NRXN3: variants seen among roughly 807,000 people sequenced by gnomAD.
The protein encoded by NRXN3 is neurexin III.
In NRXN3, 32 loss-of-function variants were observed where a neutral mutation model predicts 137.6. The observed-to-expected ratio is 0.23, with a 90% CI of 0.18 to 0.31. The LOEUF (loss-of-function observed/expected upper bound fraction) is 0.31, where lower values mean the gene tolerates loss of function less well. Among genes scored for constraint, NRXN3 ranks in the 10% least tolerant of loss-of-function variants. The probability of loss-of-function intolerance (pLI) is 1.00; values close to 1 mark genes in which losing one functional copy is unlikely to be tolerated. For missense variants in NRXN3, 1,574 were observed against 2,062.5 expected (o/e 0.76, Z 4.59); for synonymous variants, 798 against 784.5 (o/e 1.02, Z -0.29).
chr14:79,460,969 T>C (rs566111011), intron 15 of NRXN3, among the ~76,000 whole-genome samples: 9 of 152,324 alleles, frequency 5.9e-5, no homozygotes, highest in Admixed American at 3.9e-4. Flanking sequence ...TTTCAAAAAA[T>C]TCAAAGTAGA....
At position 78,791,284 on chromosome 14, in the gene NRXN3, C is replaced by A. The variant is rs998457750; in HGVS notation, c.2045-12336C>A. ...GTGGGAAAATGGTAGAAAGGAAGAACAGCTGCCTGCTAGGGGTTTTCTCTT... is the reference window on the plus strand; with the variant it reads ...GTGGGAAAATGGTAGAAAGGAAGAAAAGCTGCCTGCTAGGGGTTTTCTCTT... On this transcript the variant is annotated intron_variant, in intron 8 of 20. Coordinates refer to ENST00000335750, the MANE Select transcript of NRXN3 (RefSeq NM_001330195.2). Among the ~76,000 whole-genome samples, 5 of 152,056 alleles carry A rather than the reference C, an allele frequency of 3.3e-5. No homozygotes were observed. In the East Asian group the frequency reaches 9.7e-4, roughly 29 times the overall value.
intron 15 of NRXN3, among the ~76,000 whole-genome samples, chr14:79,067,086 G>T (rs1419477677): frequency 6.6e-6 from 1 of 152,072 alleles, no homozygotes; most frequent in Admixed American, 6.6e-5. Context: ...CCTGCAGTAT[G>T]ATATTGACTG....
intron 19 of NRXN3, among the ~76,000 whole-genome samples, chr14:79,771,123 G>A (rs1005553581): frequency 1.3e-5 from 2 of 152,128 alleles, no homozygotes; most frequent in Non-Finnish European, 2.9e-5. Flanking sequence ...TGAAATTGTG[G>A]CAATAATCAA....
At chr14:78,981,444 C>T (rs2153046340) in intron 14 of NRXN3, among the ~76,000 whole-genome samples, 1 of 152,248 alleles carries the variant, frequency 6.6e-6, no homozygotes, top group East Asian at 1.9e-4. Flanking sequence ...CACTTGCCAC[C>T]TATGGATTTT....
intron 15 of NRXN3, among the ~76,000 whole-genome samples, chr14:79,331,007 T>C (rs2091609702): frequency 6.6e-6 from 1 of 152,200 alleles, no homozygotes; most frequent in Admixed American, 6.5e-5. Context: ...TATGGTGTCC[T>C]GGTCCTTTCC....
rs2076840028 is a variant in NRXN3 at position 78,301,161 on chromosome 14, G to GA, written c.757+3302dup. The stretch of plus-strand genomic sequence containing the variant: ...TTTTATTTAATGTGGAATTGGGGGG[G>GA]ATATTTATTTATTTCTCTTTTTTTC... On this transcript the variant is annotated intron_variant, in intron 4 of 20. Transcript: ENST00000335750. Among the ~76,000 whole-genome samples the GA allele has an allele frequency of 2.6e-5, 4 of 151,092 alleles. No individual in the cohort carries two copies. The South Asian group carries it at 8.4e-4, about 32-fold the overall frequency.
At chr14:78,644,485 C>T (rs1422421544) in intron 4 of NRXN3, among the ~76,000 whole-genome samples, 3 of 152,110 alleles carry the variant, frequency 2.0e-5, no homozygotes, top group Admixed American at 6.5e-5. Context: ...AGTGGTATTG[C>T]TGTCTTATCA....
rs981721999 is a variant in NRXN3 at position 79,490,011 on chromosome 14, C to T, written c.3444+22609C>T. 5.1e-5 allele frequency among the ~76,000 whole-genome samples: 6 copies of T among 118,332 alleles called. No individual in the cohort carries two copies. The East Asian group carries it at 1.2e-3, about 24-fold the overall frequency. The allele number at this position is 118,332 out of a possible 152,430, so 77.6% of individuals were successfully genotyped here. A position where few individuals can be genotyped will look rare whatever the true frequency, so the allele number is the denominator to read the frequency against. The stretch of plus-strand genomic sequence containing the variant: ...CCGAGATCACGCCACTGCACTCCAG[C>T]GTGGGGGACAGAGCAATACTCCATC... On this transcript the variant is annotated intron_variant, in intron 16 of 20. Coordinates refer to ENST00000335750, the MANE Select transcript of NRXN3 (RefSeq NM_001330195.2).
intron 15 of NRXN3, among the ~76,000 whole-genome samples, chr14:79,272,216 GT>G (rs71131691): frequency 0.019 from 2,578 of 132,574 alleles, 54 homozygotes; most frequent in African/African-American, 0.056. Context: ...TTTGGTTTAG[GT>G]TTTTTTTTTT....
At chr14:79,417,785 G>A (rs1469348531) in intron 15 of NRXN3, among the ~76,000 whole-genome samples, 1 of 152,092 alleles carries the variant, frequency 6.6e-6, no homozygotes, top group Non-Finnish European at 1.5e-5. Context: ...AATAGGGATT[G>A]AAAAAGTTCA....
At chr14:79,357,799 C>T (rs1216542484) in intron 15 of NRXN3, among the ~76,000 whole-genome samples, 2 of 152,050 alleles carry the variant, frequency 1.3e-5, no homozygotes, top group African/African-American at 2.4e-5. Flanking sequence ...ATATGAATGC[C>T]ACTCATAGAA....
At chr14:79,168,670 A>T (rs1003182525) in intron 15 of NRXN3, among the ~76,000 whole-genome samples, 1 of 151,648 alleles carries the variant, frequency 6.6e-6, no homozygotes, top group South Asian at 2.1e-4. Flanking sequence ...CTGTCCTATC[A>T]TGCGTGTTCA....
chr14:78,905,758 A>G (rs751167934), intron 10 of NRXN3, among the ~76,000 whole-genome samples: 36 of 152,088 alleles, frequency 2.4e-4, no homozygotes, highest in Non-Finnish European at 4.6e-4. Context: ...AAAGCATATT[A>G]ATATTTTCCC....
At chr14:78,691,892 C>T (rs1048420728) in intron 6 of NRXN3, among the ~76,000 whole-genome samples, 3 of 151,956 alleles carry the variant, frequency 2.0e-5, no homozygotes, top group Admixed American at 1.3e-4. Flanking sequence ...AAATTTTCTC[C>T]CTTTATGATG....
intron 1 of NRXN3, among the ~76,000 whole-genome samples, chr14:78,189,677 C>T (rs527771535): frequency 8.6e-4 from 131 of 152,264 alleles, no homozygotes; most frequent in African/African-American, 3.1e-3. Flanking sequence ...ACCTCCACTT[C>T]CGGGTTTGAG....
intron 16 of NRXN3, among the ~76,000 whole-genome samples, chr14:79,643,777 C>G (rs1339439249): frequency 3.0e-5 from 4 of 135,316 alleles, no homozygotes; most frequent in African/African-American, 9.8e-5. Context: ...TCCTAGATGT[C>G]CTTCAGAACC....
intron 10 of NRXN3, among the ~76,000 whole-genome samples, chr14:78,882,072 A>G (rs2099130621): frequency 6.6e-6 from 1 of 151,818 alleles, no homozygotes; most frequent in Non-Finnish European, 1.5e-5. Flanking sequence ...GGCAGCTTCC[A>G]CATAGTGTTG....
At chr14:78,810,373 TC>T in intron 10 of NRXN3, 29 bp downstream of exon 10, 1 of 1,220,342 alleles carries the variant, frequency 8.2e-7, no homozygotes. Flanking sequence ...TTCATTTTGT[TC>T]TTTAAAAAAA....
At chr14:78,298,295 T>A (rs1180803649) in intron 4 of NRXN3, among the ~76,000 whole-genome samples, 1 of 152,220 alleles carries the variant, frequency 6.6e-6, no homozygotes, top group Non-Finnish European at 1.5e-5. Flanking sequence ...CCCTCTGCTT[T>A]TTGTCTTCCC....
Sources: gnomAD v4.1 joint callset for allele counts (sites outside exome capture counted in the v4.1 genomes callset) on GRCh38, gnomAD v4.1.1 for gene constraint, MANE v1.5 for transcripts, NCBI Gene and HGNC (gene_info 2026-07-23, HGNC 2026-07-21) for gene names.